CYTH1: variants seen among roughly 807,000 people sequenced by gnomAD.
CYTH1 encodes cytohesin 1, also known as cytohesin-1.
A neutral mutation model predicts 61.8 loss-of-function variants in CYTH1; 18 were observed. The ratio of observed to expected loss-of-function variants is 0.29; its 90% CI spans 0.20 to 0.43. The LOEUF is 0.43. Ranked by LOEUF, CYTH1 falls within the 20% of genes least tolerant of loss-of-function variation. CYTH1 has a pLI of 1.00. For synonymous variants in CYTH1, 174 were observed against 184.3 expected (o/e 0.94, Z 0.45); for missense variants, 336 against 510.5 (o/e 0.66, Z 3.29).
In CYTH1 at chr17:78,675,707, T is replaced by C. The variant is rs1480371833; in HGVS notation, c.*384A>G. ...CTTTTTCTCTTAACATATAATAATA[T>C]ATGGACACATGTATTTATGGTGCAG... On this transcript the variant is annotated 3_prime_UTR_variant, in exon 14 of 14. Coordinates refer to ENST00000446868, the MANE Select transcript of CYTH1 (RefSeq NM_004762.6). The C allele has an allele frequency of 3.7e-5, 18 of 480,076 alleles. No individual in the cohort carries two copies. The East Asian group carries it at 4.2e-4, about 11-fold the overall frequency. The allele number at this position is 480,076 out of a possible 1,614,324, so 29.7% of individuals were successfully genotyped here.
rs1037886404 is a variant in CYTH1 at position 78,759,092 on chromosome 17, G to T, written c.22+23110C>A. Among the ~76,000 whole-genome samples, 20 of 152,164 alleles carry T rather than the reference G, an allele frequency of 1.3e-4. 1 individual carries two copies. Among genetic ancestry groups the T allele is most frequent in the African/African-American group, 4.3e-4 (18 of 41,440 alleles). On this transcript the variant is annotated intron_variant, in intron 1 of 13. Transcript: ENST00000446868. ...CACTCCAGCCTGGTCAACAGAGTGA[G>T]ATCCTGTCTCAAAACAGAAAGAAAA...
At chr17:78,776,802 T>C (rs1187293737) in intron 1 of CYTH1, among the ~76,000 whole-genome samples, 1 of 151,464 alleles carries the variant, frequency 6.6e-6, no homozygotes, top group Non-Finnish European at 1.5e-5. Context: ...GACTCCACAG[T>C]GCCATAAACA....
chr17:78,761,123 G>C (rs924973804), intron 1 of CYTH1, among the ~76,000 whole-genome samples: 2 of 151,972 alleles, frequency 1.3e-5, no homozygotes, highest in African/African-American at 4.8e-5. Context: ...GTGAGCCACC[G>C]CGCCCAGCCT....
intron 1 of CYTH1, among the ~76,000 whole-genome samples, chr17:78,728,314 G>A (rs1157830750): frequency 6.6e-6 from 1 of 152,210 alleles, no homozygotes; most frequent in African/African-American, 2.4e-5. Context: ...TGGGGGCCGA[G>A]GTGGGTGGAT....
chr17:78,778,836 A>C (rs1434443921), intron 1 of CYTH1, among the ~76,000 whole-genome samples: 1 of 152,138 alleles, frequency 6.6e-6, no homozygotes, highest in Non-Finnish European at 1.5e-5. Context: ...TTCTGAGGTG[A>C]CGTCTGAACA....
At chr17:78,752,469 G>T (rs28441178) in intron 1 of CYTH1, among the ~76,000 whole-genome samples, 1 of 152,166 alleles carries the variant, frequency 6.6e-6, no homozygotes, top group South Asian at 2.1e-4. Flanking sequence ...GTCTTGCTCC[G>T]TCACCCAGGC....
intron 3 of CYTH1, 140 bp from the exon 4 acceptor site, chr17:78,702,744 G>A (rs943944098): frequency 4.5e-6 from 4 of 884,252 alleles, no homozygotes; most frequent in Non-Finnish European, 7.0e-6. Flanking sequence ...GTGGAACTAT[G>A]AAAGGCCAAC....
chr17:78,731,164 T>A (rs1408084975), intron 1 of CYTH1, among the ~76,000 whole-genome samples: 3 of 152,178 alleles, frequency 2.0e-5, no homozygotes, highest in Non-Finnish European at 2.9e-5. Context: ...GAGATCAGCA[T>A]AACTCAACAG....
At position 78,766,015 on chromosome 17, in the gene CYTH1, G is replaced by C. The variant is rs77108863; in HGVS notation, c.22+16187C>G. 8.3e-3 allele frequency among the ~76,000 whole-genome samples: 1,259 copies of C among 150,916 alleles called. 42 individuals carry two copies. In the East Asian group the frequency reaches 0.11, roughly 14 times the overall value. ...TCAAACCTGTAATCCCAGCACTTTG[G>C]GGGTGGGAGGATCGTCTGAGCCCAG... On this transcript the variant is annotated intron_variant, in intron 1 of 13. Transcript: ENST00000446868.
intron 1 of CYTH1, among the ~76,000 whole-genome samples, chr17:78,753,143 C>T (rs575054980): frequency 1.3e-5 from 2 of 152,200 alleles, no homozygotes; most frequent in East Asian, 3.9e-4. Flanking sequence ...CTCATGCCAC[C>T]CCAGCACAGC....
chr17:78,737,874 T>TATAC (rs1555612369), intron 1 of CYTH1, among the ~76,000 whole-genome samples: 1 of 149,976 alleles, frequency 6.7e-6, no homozygotes, highest in African/African-American at 2.5e-5. Context: ...CTTCTATAGA[T>TATAC]ACACACACAC....
Sources: gnomAD v4.1 joint callset for allele counts (sites outside exome capture counted in the v4.1 genomes callset) on GRCh38, gnomAD v4.1.1 for gene constraint, MANE v1.5 for transcripts, NCBI Gene and HGNC (gene_info 2026-07-23, HGNC 2026-07-21) for gene names.